SUZ12: variants seen among roughly 807,000 people sequenced by gnomAD.
SUZ12 encodes SUZ12 polycomb repressive complex 2 subunit.
A neutral mutation model predicts 87.3 loss-of-function variants in SUZ12; 17 were observed. The ratio of observed to expected loss-of-function variants is 0.19; its 90% confidence interval spans 0.13 to 0.29. The LOEUF (loss-of-function observed/expected upper bound fraction) is 0.29. SUZ12 is among the 10% of genes least tolerant of loss of function. The pLI is 1.00. For synonymous variants in SUZ12, 253 were observed against 312.4 expected, an observed-to-expected ratio of 0.81 and a Z score of 2.01; for missense variants, 526 against 912.2, an observed-to-expected ratio of 0.58 and a Z score of 5.45.
chr17:31,992,703 C>T (rs1909781912), intron 10 of SUZ12, among the ~76,000 whole-genome samples: 1 of 151,984 alleles, frequency 6.6e-6, no homozygotes, highest in Admixed American at 6.6e-5. Flanking sequence ...AGCCACCGCG[C>T]CCGGCCCTGT....
intron 4 of SUZ12, among the ~76,000 whole-genome samples, chr17:31,956,543 T>G (rs553654505): frequency 6.6e-6 from 1 of 152,154 alleles, no homozygotes; most frequent in Admixed American, 6.6e-5. Flanking sequence ...CTTCTAACAT[T>G]AGACCAGTAG....
At chr17:31,954,683 C>T (rs948479795) in intron 4 of SUZ12, among the ~76,000 whole-genome samples, 2 of 152,070 alleles carry the variant, frequency 1.3e-5, no homozygotes, top group Non-Finnish European at 2.9e-5. Flanking sequence ...AACCAGCTTT[C>T]ATTTGAGGTG....
chr17:31,950,934 C>T (rs537406964), intron 4 of SUZ12, among the ~76,000 whole-genome samples: 3 of 152,228 alleles, frequency 2.0e-5, no homozygotes, highest in Admixed American at 2.0e-4. Context: ...GCGCCCGCCA[C>T]CTTGCCCAGC....
intron 4 of SUZ12, chr17:31,963,687 A>ACT (rs142875030): frequency 0.14 from 17,819 of 130,954 alleles, no homozygotes; most frequent in African/African-American, 0.3. Context: ...CACGCCTGGC[A>ACT]TTTTTTTTTG....
At chr17:31,967,754 T>C (rs1285558040) in intron 5 of SUZ12, among the ~76,000 whole-genome samples, 2 of 152,070 alleles carry the variant, frequency 1.3e-5, no homozygotes, top group Non-Finnish European at 2.9e-5. Context: ...TAGTTCTAGG[T>C]ACTTGGAAGT....
Position 32,000,451 on chromosome 17 carries a change from A to G in SUZ12, c.*1448A>G. The stretch of plus-strand genomic sequence containing the variant: ...ATTTGTCATCCAGTATTAAGTTCTT[A>G]GTCATTGATTTTTGTGTTTAAAAAA... On this transcript the variant is annotated 3_prime_UTR_variant, in exon 16 of 16. Coordinates refer to ENST00000322652, the MANE Select transcript of SUZ12 (RefSeq NM_015355.4). 1 of 232,576 alleles carries G rather than the reference A, an allele frequency of 4.3e-6. No individual in the cohort carries two copies. Among genetic ancestry groups the G allele is most frequent in the Non-Finnish European group, 8.5e-6 (1 of 117,718 alleles). 14.4% of individuals were successfully genotyped at this position (232,576 alleles called of 1,614,324 possible). A position where few individuals can be genotyped will look rare whatever the true frequency, so the allele number is the denominator to read the frequency against.
At chr17:31,967,829 C>G (rs1908189875) in intron 5 of SUZ12, among the ~76,000 whole-genome samples, 1 of 152,172 alleles carries the variant, frequency 6.6e-6, no homozygotes, top group East Asian at 1.9e-4. Context: ...TTGCACAACT[C>G]TACTCCAGGC....
chr17:31,978,311 C>A (rs762674536), intron 8 of SUZ12, among the ~76,000 whole-genome samples: 3 of 152,100 alleles, frequency 2.0e-5, no homozygotes, highest in Non-Finnish European at 4.4e-5. Flanking sequence ...TGGGTTCAAG[C>A]GATTCACCTG....
chr17:31,968,316 A>T (rs1908214750), intron 5 of SUZ12, among the ~76,000 whole-genome samples: 1 of 150,712 alleles, frequency 6.6e-6, no homozygotes, highest in Non-Finnish European at 1.5e-5. Context: ...GGTGTGATCA[A>T]CTCCTGGGCT....
intron 4 of SUZ12, among the ~76,000 whole-genome samples, chr17:31,957,017 C>A (rs531544617): frequency 6.4e-4 from 98 of 152,278 alleles, no homozygotes; most frequent in Non-Finnish European, 1.0e-3. Context: ...CTCAAGTGAT[C>A]CACCCACCTC....
At chr17:31,981,713 T>C (rs968509021) in intron 8 of SUZ12, among the ~76,000 whole-genome samples, 5 of 152,208 alleles carry the variant, frequency 3.3e-5, no homozygotes, top group African/African-American at 1.2e-4. Flanking sequence ...TGTCAATCAT[T>C]TGGTTTTAAG....
Position 31,999,642 on chromosome 17 carries a change from T to C in SUZ12, c.*639T>C, listed in dbSNP as rs528208136. ...CATCTTATGCCTGTTTGAGAAGATA[T>C]TAAATTTTCACATTGTTGACAGTGA... On this transcript the variant is annotated 3_prime_UTR_variant, in exon 16 of 16. Coordinates refer to ENST00000322652, the MANE Select transcript of SUZ12 (RefSeq NM_015355.4). 3.9e-5 allele frequency: 9 copies of C among 232,024 alleles called. No individual in the cohort carries two copies. The highest frequency in any genetic ancestry group is 8.8e-5 in the African/African-American group (4 of 45,316). 14.4% of individuals were successfully genotyped at this position (232,024 alleles called of 1,614,324 possible).
At chr17:31,959,408 C>T (rs1458450470) in intron 4 of SUZ12, among the ~76,000 whole-genome samples, 15 of 152,302 alleles carry the variant, frequency 9.8e-5, no homozygotes, top group Non-Finnish European at 2.2e-4. Context: ...GACACACACA[C>T]ATCATCCACC....
chr17:31,990,121 ATTTT>A (rs59793925), intron 10 of SUZ12, among the ~76,000 whole-genome samples: 9,179 of 99,196 alleles, frequency 0.093, 222 homozygotes, highest in Non-Finnish European at 0.13. Context: ...TGCCCGGCTA[ATTTT>A]TTTTTTTTTT....
At chr17:31,972,002 G>A (rs1346359560) in intron 5 of SUZ12, among the ~76,000 whole-genome samples, 1 of 151,990 alleles carries the variant, frequency 6.6e-6, no homozygotes, top group Non-Finnish European at 1.5e-5. Flanking sequence ...CAGTAAATAT[G>A]GCCGGGTGTG....
rs905430639 is a variant in SUZ12 at position 31,955,523 on chromosome 17, C to T, written c.455+7838C>T. ...CAGCACTTTTGGAGGCCGAGGCGGGCGGATCACGAGGTCAGGAGATTGAGA... is the reference window on the plus strand; with the variant it reads ...CAGCACTTTTGGAGGCCGAGGCGGGTGGATCACGAGGTCAGGAGATTGAGA... On this transcript the variant is annotated intron_variant, in intron 4 of 15. Transcript: ENST00000322652. Among the ~76,000 whole-genome samples, 6 of 151,934 alleles carry T rather than the reference C, an allele frequency of 3.9e-5. No homozygotes were observed. The East Asian group carries it at 9.7e-4, about 24-fold the overall frequency.
At chr17:31,977,792 G>T (rs1908849316) in intron 8 of SUZ12, among the ~76,000 whole-genome samples, 1 of 152,042 alleles carries the variant, frequency 6.6e-6, no homozygotes. Context: ...AGGAGGCCGA[G>T]GCAGGGGAAT....
chr17:31,967,913 C>T (rs1465192074), intron 5 of SUZ12, among the ~76,000 whole-genome samples: 2 of 152,040 alleles, frequency 1.3e-5, no homozygotes, highest in South Asian at 2.1e-4. Context: ...ACAGCTATAA[C>T]GTCAACACCT....
intron 4 of SUZ12, among the ~76,000 whole-genome samples, chr17:31,962,746 T>C (rs1343152651): frequency 6.6e-6 from 1 of 152,362 alleles, no homozygotes; most frequent in African/African-American, 2.4e-5. Context: ...AAGGCTTTCG[T>C]AGAACAGGAA....
Sources: allele counts gnomAD v4.1 joint callset (sites outside exome capture counted in the v4.1 genomes callset), GRCh38; gene constraint gnomAD v4.1.1; transcripts MANE v1.5; gene names NCBI Gene and HGNC (gene_info 2026-07-23, HGNC 2026-07-21).